Variants in SYF2 observed in about 807,000 individuals in gnomAD.
The protein encoded by SYF2 is pre-mRNA-splicing factor SYF2.
Under a neutral mutation model 32.7 loss-of-function variants are expected in SYF2, and 21 were observed. The observed-to-expected ratio is 0.64, with a 90% CI of 0.45 to 0.92. The LOEUF (loss-of-function observed/expected upper bound fraction) is 0.92, where lower values mean the gene tolerates loss of function less well. Ranked by LOEUF, SYF2 falls within the 40% of genes least tolerant of loss-of-function variation. The pLI is 0.00. For synonymous variants in SYF2, 114 were observed against 103.9 expected, an observed-to-expected ratio of 1.10 and a Z score of -0.59; for missense variants, 278 against 296.5, an observed-to-expected ratio of 0.94 and a Z score of 0.46.
Position 25,225,181 on chromosome 1 carries a change from TAAG to T in SYF2, c.468-84_468-82del, listed in dbSNP as rs1290775345. 6.7e-6 allele frequency: 6 copies of T among 894,016 alleles called. No individual in the cohort carries two copies. The Admixed American group carries it at 9.0e-5, about 13-fold the overall frequency. 55.4% of individuals were successfully genotyped at this position (894,016 alleles called of 1,614,324 possible). ...TTTCAAACTAAAGTACCATACATGA[TAAG>T]AAAGTATACACATACATTTACTGTG... On this transcript the variant is annotated intron_variant, in intron 5 of 6. Coordinates refer to ENST00000236273, the MANE Select transcript of SYF2 (RefSeq NM_015484.5).
rs763195802 is a variant in SYF2, at chr1:25,227,577, T to G, written c.377-45A>C. 3 of 1,556,672 alleles carry G rather than the reference T, an allele frequency of 1.9e-6. No individual in the cohort carries two copies. In the African/African-American group the frequency reaches 4.1e-5, roughly 21 times the overall value. ...ATCAGCGATAATATATTTCCTTGTT[T>G]GGACCTTCCTATTGAGAGAAAAATC... On this transcript the variant is annotated intron_variant, in intron 4 of 6. Transcript: ENST00000236273.
Position 25,225,506 on chromosome 1 carries a change from C to T in SYF2, c.468-406G>A, listed in dbSNP as rs1638490832. Among the ~76,000 whole-genome samples, 4 of 149,714 alleles carry T rather than the reference C, an allele frequency of 2.7e-5. No individual in the cohort carries two copies. In the South Asian group the frequency reaches 6.3e-4, roughly 24 times the overall value. On this transcript the variant is annotated intron_variant, in intron 5 of 6. Transcript: ENST00000236273. ...TCGCCCCACTGTGCTCCAGCTTGGG[C>T]GACAAAGTAAGACTCCGTCTCAAAA...
chr1:25,223,424 T>C lies in SYF2; in HGVS notation c.574A>G (p.Lys192Glu), dbSNP rs757768343. ...MVIDLEKQIE[K>E]RDKYSRRRPY... The stretch of plus-strand genomic sequence containing the variant: ...CGTCTCCGGCTATATTTGTCTCGTT[T>C]TTCAATCCTGGGGAAAGAAGAAAAT... The change falls in exon 7 of 7, where the codon AAA becomes GAA. Residue 192 changes from lysine to glutamate, a missense_variant. Physicochemically the swap from Lys to Glu is moderately conservative, Grantham distance 56. Transcript: ENST00000236273. 1 of 1,606,066 alleles carries C rather than the reference T, an allele frequency of 6.2e-7. No individual in the cohort carries two copies. Among genetic ancestry groups the C allele is most frequent in the South Asian group, 1.1e-5 (1 of 89,664 alleles).
At chr1:25,229,742 T>C (rs1240073882) in intron 2 of SYF2, among the ~76,000 whole-genome samples, 1 of 146,354 alleles carries the variant, frequency 6.8e-6, no homozygotes, top group Non-Finnish European at 1.5e-5. Context: ...ACTACTGCAC[T>C]ACAGCCTGGG....
At chr1:25,231,947 G>C in intron 2 of SYF2, 157 bp downstream of exon 2, 1 of 752,450 alleles carries the variant, frequency 1.3e-6, no homozygotes, top group African/African-American at 1.7e-5. Flanking sequence ...ATCCCAATGT[G>C]CTGCCAGGGT....
At chr1:25,228,030 C>G (rs1638548255) in intron 4 of SYF2, 88 bp downstream of exon 4, 1 of 1,065,266 alleles carries the variant, frequency 9.4e-7, no homozygotes, top group Non-Finnish European at 1.4e-6. Context: ...CCACGAAGCA[C>G]AAGAGGCACA....
rs1274209969 is a variant in SYF2 at position 25,228,153 on chromosome 1, T to C, written c.341A>G (p.Lys114Arg). 1.9e-6 allele frequency: 3 copies of C among 1,614,020 alleles called. No homozygotes were observed. Among genetic ancestry groups the C allele is most frequent in the Non-Finnish European group, 2.5e-6 (3 of 1,180,006 alleles). Residue 114 changes from lysine (K) to arginine (R), a missense_variant, in exon 4 of 7, where the codon AAA becomes AGA. Lys to Arg is a conservative substitution (Grantham distance 26). Transcript: ENST00000236273. ...CAGATCAGGGTTTTTCCTCTTCTTT[T>C]TCCTCTCCCATCTTTCTGCATCTTC... ...SAEDAERWER[K>R]KKRKNPDLGF...
chr1:25,226,904 C>A (rs1271126043), intron 5 of SYF2, among the ~76,000 whole-genome samples: 1 of 151,840 alleles, frequency 6.6e-6, no homozygotes, highest in African/African-American at 2.4e-5. Context: ...TCCCTTGAGG[C>A]CACAAGTTTG....
intron 5 of SYF2, among the ~76,000 whole-genome samples, chr1:25,227,015 G>C (rs1438470923): frequency 6.6e-6 from 1 of 151,548 alleles, no homozygotes; most frequent in Non-Finnish European, 1.5e-5. Context: ...GGGCGCAGTA[G>C]CTCACGCCTG....
In SYF2 at chr1:25,224,958, T is replaced by C. The variant is rs770853099; in HGVS notation, c.566+44A>G. ...AGGTGCATATTCTAAGTGCATTTTG[T>C]CATGAAGTATTTACAACGTCAAGCT... is the stretch of plus-strand genomic sequence containing the variant. On this transcript the variant is annotated intron_variant, in intron 6 of 6. Coordinates refer to ENST00000236273, the MANE Select transcript of SYF2 (RefSeq NM_015484.5). 17 of 1,340,260 alleles carry C rather than the reference T, an allele frequency of 1.3e-5. 1 individual carries two copies. The Admixed American group carries it at 1.5e-4, about 12-fold the overall frequency. The allele number at this position is 1,340,260 out of a possible 1,614,324, so 83.0% of individuals were successfully genotyped here.
At position 25,227,494 on chromosome 1, in the gene SYF2, T is replaced by A; in HGVS notation, c.415A>T (p.Thr139Ser). The part of the protein sequence containing the change: ...AAQLRQYHRL[T>S]KQIKPDMETY... ...TCCATGTCAGGTTTGATCTGCTTGG[T>A]CAACCGATGATACTGGCGTAACTGG... Residue 139 changes from threonine to serine, a missense_variant, in exon 5 of 7, where the codon ACC becomes TCC. Coordinates refer to ENST00000236273, the MANE Select transcript of SYF2 (RefSeq NM_015484.5). The A allele has an allele frequency of 6.2e-7, 1 of 1,613,832 alleles. No homozygotes were observed. The highest frequency in any genetic ancestry group is 8.5e-7 in the Non-Finnish European group (1 of 1,179,942).
intron 1 of SYF2, 51 bp downstream of exon 1, chr1:25,232,393 C>A: frequency 1.9e-6 from 3 of 1,614,056 alleles, no homozygotes; most frequent in Non-Finnish European, 2.5e-6. Context: ...CCAGGCCGCT[C>A]CCCGGAACCC....
chr1:25,231,738 T>C (rs1021034298), intron 2 of SYF2: 12 of 243,452 alleles, frequency 4.9e-5, no homozygotes, highest in African/African-American at 2.5e-4. Context: ...GAACCAGGTC[T>C]CTTACTGACA....
Position 25,227,818 on chromosome 1 carries a change from T to C in SYF2, c.377-286A>G, listed in dbSNP as rs550952181. ...TTTCAGATTTTCATACTAGGGATAC[T>C]CAATCTGTGTGAAGTAATATATGCC... On this transcript the variant is annotated intron_variant, in intron 4 of 6. Coordinates refer to ENST00000236273, the MANE Select transcript of SYF2 (RefSeq NM_015484.5). 3.3e-5 allele frequency among the ~76,000 whole-genome samples: 5 copies of C among 152,344 alleles called. No homozygotes were observed. In the East Asian group the frequency reaches 5.8e-4, roughly 18 times the overall value.
chr1:25,231,772 T>C (rs1638635083), intron 2 of SYF2: 1 of 388,970 alleles, frequency 2.6e-6, no homozygotes, highest in African/African-American at 2.0e-5. Context: ...TTCCTGTCTC[T>C]AGCTCTACAT....
At chr1:25,232,486 CCACTTCCGGCAACAAGATAGAG>C (rs777818293) in exon 1 of SYF2, 1 of 1,614,216 alleles carries the variant, frequency 6.2e-7, no homozygotes, top group East Asian at 2.2e-5. Context: ...TTCTCTCTTC[CCACTTCCGGCAACAAGATAGAG>C]CACTTCCGTC....
At chr1:25,229,149 T>C in intron 2 of SYF2, 26 bp from the exon 3 acceptor site, 1 of 1,605,916 alleles carries the variant, frequency 6.2e-7, no homozygotes, top group Non-Finnish European at 8.5e-7. Flanking sequence ...AAGAAGTCTG[T>C]CAGCTAAAAC....
intron 2 of SYF2, 109 bp from the exon 3 acceptor site, chr1:25,229,232 A>G: frequency 2.3e-6 from 3 of 1,303,086 alleles, no homozygotes; most frequent in Non-Finnish European, 3.1e-6. Context: ...AGCTGACCCC[A>G]TTTTATCCTA....
intron 6 of SYF2, among the ~76,000 whole-genome samples, chr1:25,224,412 T>C (rs776091883): frequency 6.6e-6 from 1 of 152,062 alleles, no homozygotes; most frequent in African/African-American, 2.4e-5. Flanking sequence ...CGTACCACCA[T>C]GCCCAGCTAA....
Sources: allele counts gnomAD v4.1 joint callset (sites outside exome capture counted in the v4.1 genomes callset), GRCh38; gene constraint gnomAD v4.1.1; transcripts MANE v1.5; gene names NCBI Gene and HGNC (gene_info 2026-07-23, HGNC 2026-07-21).